WWOX: variants seen among roughly 807,000 people sequenced by gnomAD.
WWOX encodes the protein WW domain-containing oxidoreductase.
Under a neutral mutation model 46.2 loss-of-function variants are expected in WWOX, and 69 were observed. The ratio of observed to expected loss-of-function variants is 1.49; its 90% CI spans 1.23 to 1.82. WWOX has a LOEUF of 1.82. Among genes scored for constraint, WWOX ranks in the 40% most tolerant of loss-of-function variants. The probability of loss-of-function intolerance (pLI) is 0.00; values close to 1 mark genes in which losing one functional copy is unlikely to be tolerated. For missense variants in WWOX, 919 were observed against 542.6 expected, an observed-to-expected ratio of 1.69 and a Z score of -6.89; for synonymous variants, 359 against 202.6, an observed-to-expected ratio of 1.77 and a Z score of -6.56.
intron 6 of WWOX, among the ~76,000 whole-genome samples, chr16:78,411,506 G>C (rs952476520): frequency 6.6e-6 from 1 of 152,140 alleles, no homozygotes; most frequent in Admixed American, 6.5e-5. Context: ...ATGGGGCAGT[G>C]GATGATTCAC....
chr16:78,416,364 T>C (rs747562056), intron 6 of WWOX, among the ~76,000 whole-genome samples: 6 of 152,230 alleles, frequency 3.9e-5, no homozygotes, highest in Admixed American at 6.5e-5. Flanking sequence ...ATTAAGTGTC[T>C]TTACAATTAA....
intron 8 of WWOX, among the ~76,000 whole-genome samples, chr16:79,172,685 CGT>C (rs1244279672): frequency 1.3e-5 from 2 of 152,010 alleles, no homozygotes; most frequent in Non-Finnish European, 1.5e-5. Context: ...TGCACGCGCA[CGT>C]ATGTGTGTGT....
chr16:78,612,786 T>G (rs943795668), intron 8 of WWOX, among the ~76,000 whole-genome samples: 1 of 152,088 alleles, frequency 6.6e-6, no homozygotes, highest in African/African-American at 2.4e-5. Flanking sequence ...CCATGTTAAT[T>G]TTTTCACCTA....
chr16:79,023,090 C>G (rs771056559), intron 8 of WWOX, among the ~76,000 whole-genome samples: 2 of 151,866 alleles, frequency 1.3e-5, no homozygotes, highest in Non-Finnish European at 2.9e-5. Context: ...ATAGCAACAG[C>G]AATCATGTTC....
intron 8 of WWOX, among the ~76,000 whole-genome samples, chr16:78,680,737 A>C (rs2047710218): frequency 6.6e-6 from 1 of 152,218 alleles, no homozygotes; most frequent in Non-Finnish European, 1.5e-5. Flanking sequence ...TTTCCGTGAC[A>C]GTAGAGTGTC....
intron 8 of WWOX, among the ~76,000 whole-genome samples, chr16:78,640,282 C>T (rs1329328875): frequency 7.7e-5 from 9 of 117,020 alleles, no homozygotes; most frequent in South Asian, 2.8e-4. Flanking sequence ...TGACTTTTAG[C>T]GAATGGATAC....
intron 6 of WWOX, among the ~76,000 whole-genome samples, chr16:78,418,763 T>C (rs773196033): frequency 2.6e-5 from 4 of 152,182 alleles, no homozygotes; most frequent in African/African-American, 4.8e-5. Context: ...ATGAAAACTT[T>C]TAGTAAACTT....
intron 8 of WWOX, among the ~76,000 whole-genome samples, chr16:78,722,018 G>A (rs2142355115): frequency 6.6e-6 from 1 of 152,290 alleles, no homozygotes; most frequent in East Asian, 1.9e-4. Context: ...TTTTTTTCTA[G>A]AAGGTGGTAT....
chr16:79,160,083 A>C (rs528732831), intron 8 of WWOX, among the ~76,000 whole-genome samples: 1 of 152,314 alleles, frequency 6.6e-6, no homozygotes, highest in Non-Finnish European at 1.5e-5. Flanking sequence ...TTGCAGTGAG[A>C]GTGCTGGCAT....
At position 78,347,567 on chromosome 16, in the gene WWOX, C is replaced by G. The variant is rs1212000683; in HGVS notation, c.517-39293C>G. Among the ~76,000 whole-genome samples, 9 of 119,848 alleles carry G rather than the reference C, an allele frequency of 7.5e-5. 2 individuals are homozygous for G. Among genetic ancestry groups the G allele is most frequent in the African/African-American group, 2.5e-4 (9 of 35,312 alleles). 78.6% of individuals were successfully genotyped at this position (119,848 alleles called of 152,430 possible). A position where few individuals can be genotyped will look rare whatever the true frequency, so the allele number is the denominator to read the frequency against. On this transcript the variant is annotated intron_variant, in intron 5 of 8. Coordinates refer to ENST00000566780, the MANE Select transcript of WWOX (RefSeq NM_016373.4). Reference sequence around the variant, plus strand: ...GCGTGTTGCATCTTCCTGACCTTCCCAGTCCGAAGCCCAAGGAGATACTTG... The same window carrying G: ...GCGTGTTGCATCTTCCTGACCTTCCGAGTCCGAAGCCCAAGGAGATACTTG...
At chr16:78,304,398 C>A (rs2080095975) in intron 5 of WWOX, among the ~76,000 whole-genome samples, 1 of 152,158 alleles carries the variant, frequency 6.6e-6, no homozygotes, top group Admixed American at 6.5e-5. Flanking sequence ...TTTTTCCAGC[C>A]ATGCTGTTGC....
At chr16:79,143,748 C>G (rs113130155) in intron 8 of WWOX, among the ~76,000 whole-genome samples, 8 of 152,208 alleles carry the variant, frequency 5.3e-5, no homozygotes, top group African/African-American at 1.4e-4. Context: ...TCTCTATGCG[C>G]CCATGGGAAA....
intron 8 of WWOX, among the ~76,000 whole-genome samples, chr16:78,731,845 CTTTTTTTTT>C (rs200790501): frequency 7.7e-6 from 1 of 129,122 alleles, no homozygotes; most frequent in South Asian, 2.5e-4. Context: ...TTTTCTTTCT[CTTTTTTTTT>C]TTTTTTTTTG....
intron 5 of WWOX, among the ~76,000 whole-genome samples, chr16:78,166,153 T>A (rs997339928): frequency 5.9e-5 from 9 of 152,222 alleles, no homozygotes; most frequent in Non-Finnish European, 1.2e-4. Flanking sequence ...CACACTCACA[T>A]TCTGTTCTGT....
At chr16:78,315,042 C>G (rs1027729279) in intron 5 of WWOX, among the ~76,000 whole-genome samples, 1 of 152,194 alleles carries the variant, frequency 6.6e-6, no homozygotes, top group Admixed American at 6.5e-5. Flanking sequence ...CTTTCTGTCT[C>G]CATCCACCAT....
At chr16:78,385,339 G>T (rs557044010) in intron 5 of WWOX, among the ~76,000 whole-genome samples, 119 of 152,272 alleles carry the variant, frequency 7.8e-4, no homozygotes, top group Non-Finnish European at 1.5e-3. Flanking sequence ...ATCGGGACAA[G>T]AGTTTTACAC....
intron 8 of WWOX, among the ~76,000 whole-genome samples, chr16:79,030,853 C>T (rs753148440): frequency 5.3e-5 from 8 of 152,024 alleles, no homozygotes; most frequent in African/African-American, 1.7e-4. Context: ...GAGGCTGAGG[C>T]AGGAGGATCG....
At chr16:78,803,985 C>G (rs879438213) in intron 8 of WWOX, among the ~76,000 whole-genome samples, 1 of 152,074 alleles carries the variant, frequency 6.6e-6, no homozygotes, top group Non-Finnish European at 1.5e-5. Flanking sequence ...TCCTTCTTAG[C>G]TGATTGATGA....
intron 8 of WWOX, among the ~76,000 whole-genome samples, chr16:78,933,450 A>G (rs2045667284): frequency 6.6e-6 from 1 of 150,966 alleles, no homozygotes; most frequent in Admixed American, 6.5e-5. Context: ...AGAAACAAAC[A>G]AACAAAAAAA....
Sources: gnomAD v4.1 joint callset for allele counts (sites outside exome capture counted in the v4.1 genomes callset) on GRCh38, gnomAD v4.1.1 for gene constraint, MANE v1.5 for transcripts, NCBI Gene and HGNC (gene_info 2026-07-23, HGNC 2026-07-21) for gene names.